Variants in CNTNAP2 observed in about 807,000 individuals in gnomAD.
The protein encoded by CNTNAP2 is contactin-associated protein-like 2.
Under a neutral mutation model 155.2 loss-of-function variants are expected in CNTNAP2, and 98 were observed. The observed-to-expected ratio is 0.63, with a 90% confidence interval of 0.54 to 0.75. CNTNAP2 has a LOEUF of 0.75. CNTNAP2 is among the 30% of genes least tolerant of loss of function. The pLI is 0.00. For synonymous variants in CNTNAP2, 651 were observed against 631.2 expected (o/e 1.03, Z -0.47); for missense variants, 1,727 against 1,688.1 (o/e 1.02, Z -0.40).
At chr7:147,961,218 C>T (rs937888353) in intron 14 of CNTNAP2, among the ~76,000 whole-genome samples, 1 of 152,076 alleles carries the variant, frequency 6.6e-6, no homozygotes, top group African/African-American at 2.4e-5. Context: ...CTTTTTATAA[C>T]TAGGATATAC....
At chr7:147,574,254 C>T (rs1286728077) in intron 12 of CNTNAP2, among the ~76,000 whole-genome samples, 3 of 151,822 alleles carry the variant, frequency 2.0e-5, no homozygotes, top group African/African-American at 7.3e-5. Flanking sequence ...TCCCTTCTTT[C>T]TTAGTTTTCT....
At chr7:146,325,550 T>G (rs1801083392) in intron 1 of CNTNAP2, among the ~76,000 whole-genome samples, 1 of 151,928 alleles carries the variant, frequency 6.6e-6, no homozygotes, top group African/African-American at 2.4e-5. Flanking sequence ...GAATCTCAGT[T>G]GAAAAACTGA....
At chr7:148,172,156 C>G in intron 17 of CNTNAP2, 86 bp from the exon 18 acceptor site, 1 of 1,308,066 alleles carries the variant, frequency 7.6e-7, no homozygotes, top group Non-Finnish European at 1.1e-6. Flanking sequence ...GCAGTGTCAT[C>G]TCCTACCACA....
intron 1 of CNTNAP2, among the ~76,000 whole-genome samples, chr7:146,770,650 T>A (rs1035976705): frequency 6.6e-6 from 1 of 151,448 alleles, no homozygotes; most frequent in East Asian, 1.9e-4. Flanking sequence ...TTCAAATTAT[T>A]ACTTTAATTT....
intron 15 of CNTNAP2, among the ~76,000 whole-genome samples, chr7:148,062,923 C>T (rs1803184345): frequency 6.6e-6 from 1 of 151,986 alleles, no homozygotes; most frequent in Non-Finnish European, 1.5e-5. Flanking sequence ...AAAAGGAGAA[C>T]ACCACAAATA....
At chr7:146,643,113 T>G (rs1206549649) in intron 1 of CNTNAP2, among the ~76,000 whole-genome samples, 2 of 149,024 alleles carry the variant, frequency 1.3e-5, no homozygotes, top group East Asian at 3.9e-4. Context: ...GTAGGTTGCC[T>G]GTTCACTCTG....
rs149759606 is a variant in CNTNAP2 at position 147,346,007 on chromosome 7, G to T, written c.1498+45717G>T. On this transcript the variant is annotated intron_variant, in intron 9 of 23. Coordinates refer to ENST00000361727, the MANE Select transcript of CNTNAP2 (RefSeq NM_014141.6). ...TTAATTTTCTACCCATTAATTTTAC[G>T]AAATTTGAAAGAAATATTTTTGATA... Among the ~76,000 whole-genome samples, 974 of 152,168 alleles carry T rather than the reference G, an allele frequency of 6.4e-3. 5 individuals are homozygous for T. The highest frequency in any genetic ancestry group is 0.011 in the Non-Finnish European group (728 of 67,998).
chr7:147,623,732 C>A (rs770826826), intron 12 of CNTNAP2, among the ~76,000 whole-genome samples: 8 of 150,144 alleles, frequency 5.3e-5, no homozygotes, highest in Non-Finnish European at 1.0e-4. Context: ...TGACATTCTT[C>A]ACAGAAATAA....
intron 1 of CNTNAP2, among the ~76,000 whole-genome samples, chr7:146,700,385 C>T (rs540405894): frequency 6.6e-6 from 1 of 152,028 alleles, no homozygotes; most frequent in South Asian, 2.1e-4. Context: ...TTGTGAGGAC[C>T]AGAGTGATGA....
chr7:146,294,902 T>A (rs1313505818), intron 1 of CNTNAP2, among the ~76,000 whole-genome samples: 1 of 152,214 alleles, frequency 6.6e-6, no homozygotes, highest in Non-Finnish European at 1.5e-5. Context: ...ACCAAAAGAA[T>A]TTATAACTGA....
chr7:146,139,070 G>A (rs865980694), intron 1 of CNTNAP2, among the ~76,000 whole-genome samples: 8 of 152,046 alleles, frequency 5.3e-5, no homozygotes, highest in African/African-American at 1.7e-4. Flanking sequence ...TTAAAACAAG[G>A]CAAAATCATC....
chr7:146,426,062 T>A (rs1008892718), intron 1 of CNTNAP2, among the ~76,000 whole-genome samples: 1 of 150,974 alleles, frequency 6.6e-6, no homozygotes, highest in Non-Finnish European at 1.5e-5. Context: ...GGCGCAAGCC[T>A]GTAATATGAG....
At chr7:147,238,297 G>C (rs1420164460) in intron 8 of CNTNAP2, among the ~76,000 whole-genome samples, 1 of 152,142 alleles carries the variant, frequency 6.6e-6, no homozygotes, top group Non-Finnish European at 1.5e-5. Context: ...TTACAGGCGT[G>C]AGCCACCGTG....
intron 21 of CNTNAP2, among the ~76,000 whole-genome samples, chr7:148,268,203 G>C (rs770001279): frequency 6.6e-6 from 1 of 152,164 alleles, no homozygotes; most frequent in Non-Finnish European, 1.5e-5. Flanking sequence ...GAACTGCAAT[G>C]AAAACAGTAA....
At chr7:147,344,145 A>G (rs1352314158) in intron 9 of CNTNAP2, among the ~76,000 whole-genome samples, 2 of 152,150 alleles carry the variant, frequency 1.3e-5, no homozygotes, top group Non-Finnish European at 2.9e-5. Context: ...TTTAAAGCCC[A>G]TGTCTTTTCC....
At chr7:147,036,078 A>G (rs890988299) in intron 3 of CNTNAP2, among the ~76,000 whole-genome samples, 1 of 152,202 alleles carries the variant, frequency 6.6e-6, no homozygotes, top group East Asian at 1.9e-4. Flanking sequence ...CTCTTAGTCC[A>G]TGGGCTGGCA....
intron 13 of CNTNAP2, among the ~76,000 whole-genome samples, chr7:147,725,543 T>C (rs1796626751): frequency 1.3e-5 from 2 of 152,084 alleles, no homozygotes; most frequent in African/African-American, 4.8e-5. Flanking sequence ...AAGATGAGTG[T>C]CCCCCACTCT....
intron 1 of CNTNAP2, among the ~76,000 whole-genome samples, chr7:146,149,855 C>T (rs541419192): frequency 8.0e-6 from 1 of 124,400 alleles, no homozygotes; most frequent in Non-Finnish European, 1.7e-5. Context: ...TTCATAGAAA[C>T]ACACAAACAG....
At chr7:147,627,290 T>A (rs1252867160) in intron 12 of CNTNAP2, among the ~76,000 whole-genome samples, 1 of 151,940 alleles carries the variant, frequency 6.6e-6, no homozygotes, top group Non-Finnish European at 1.5e-5. Flanking sequence ...TCATACCAGC[T>A]CCCCAGCAAT....
Sources: gnomAD v4.1 joint callset for allele counts (sites outside exome capture counted in the v4.1 genomes callset) on GRCh38, gnomAD v4.1.1 for gene constraint, MANE v1.5 for transcripts, NCBI Gene and HGNC (gene_info 2026-07-23, HGNC 2026-07-21) for gene names.